The following SHANK2 variants were observed in gnomAD, a reference collection of about 807,000 sequenced individuals.
The protein encoded by SHANK2 is SH3 and multiple ankyrin repeat domains 2.
SHANK2 carries 43 observed loss-of-function variants against 133.7 expected under a neutral mutation model. The ratio of observed to expected loss-of-function variants is 0.32; its 90% CI spans 0.25 to 0.41. The LOEUF (loss-of-function observed/expected upper bound fraction) is 0.41. Among genes scored for constraint, SHANK2 ranks in the 10% least tolerant of loss-of-function variants. The pLI, the probability that SHANK2 is intolerant of heterozygous loss-of-function variation, is 1.00. For synonymous variants in SHANK2, 1,017 were observed against 952.8 expected, an observed-to-expected ratio of 1.07 and a Z score of -1.24; for missense variants, 1,994 against 2,235.8, an observed-to-expected ratio of 0.89 and a Z score of 2.18.
chr11:70,490,547 T>C (rs1411848784), intron 22 of SHANK2, among the ~76,000 whole-genome samples, 160 bp from the exon 23 acceptor site: 1 of 152,256 alleles, frequency 6.6e-6, no homozygotes, highest in South Asian at 2.1e-4. Flanking sequence ...AACCACAGCA[T>C]TGAGGACCCA....
At chr11:70,578,254 CTG>C (rs61283035) in intron 17 of SHANK2, among the ~76,000 whole-genome samples, 23,935 of 152,152 alleles carry the variant, frequency 0.16, 1,987 homozygotes, top group Non-Finnish European at 0.19. Context: ...GCAGGGCACA[CTG>C]TACTTCCCAG....
intron 1 of SHANK2, among the ~76,000 whole-genome samples, chr11:71,251,336 G>A (rs1488875618): frequency 6.6e-6 from 1 of 152,188 alleles, no homozygotes; most frequent in Non-Finnish European, 1.5e-5. Context: ...CCAAGCCCCA[G>A]AACCCTGGCG....
At chr11:70,819,164 A>C (rs1421387008) in intron 12 of SHANK2, among the ~76,000 whole-genome samples, 2 of 152,246 alleles carry the variant, frequency 1.3e-5, no homozygotes, top group Non-Finnish European at 2.9e-5. Flanking sequence ...AAAACATGGC[A>C]ACGGCCGGGG....
intron 14 of SHANK2, among the ~76,000 whole-genome samples, chr11:70,793,138 T>C (rs1309201452): frequency 1.3e-5 from 2 of 152,212 alleles, no homozygotes; most frequent in Admixed American, 1.3e-4. Context: ...AAAACCCTTC[T>C]ACTCATTAAA....
intron 1 of SHANK2, among the ~76,000 whole-genome samples, chr11:71,229,654 G>A (rs1954705281): frequency 6.6e-6 from 1 of 151,694 alleles, no homozygotes; most frequent in Non-Finnish European, 1.5e-5. Context: ...CAGCTACTCA[G>A]GAGGCTGAGG....
At chr11:71,105,517 G>A (rs980710338) in intron 6 of SHANK2, among the ~76,000 whole-genome samples, 2 of 150,772 alleles carry the variant, frequency 1.3e-5, no homozygotes, top group Non-Finnish European at 2.9e-5. Flanking sequence ...ACTTGAACTC[G>A]GGAGGCGGAG....
chr11:70,911,372 C>CAAAAAAA, intron 10 of SHANK2, among the ~76,000 whole-genome samples: 1 of 151,414 alleles, frequency 6.6e-6, no homozygotes, highest in South Asian at 2.1e-4. Flanking sequence ...AACAAAAAAA[C>CAAAAAAA]AAAAAAACAA....
rs782012557 is a variant in SHANK2, at chr11:70,487,549, C to T, written c.2744G>A (p.Arg915Lys). 2 of 1,613,222 alleles carry T rather than the reference C, an allele frequency of 1.2e-6. No individual in the cohort carries two copies. The highest frequency in any genetic ancestry group is 3.3e-5 in the Admixed American group (2 of 59,906). The change falls in exon 25 of 26, where the codon AGA becomes AAA. Residue 915 changes from arginine (R) to lysine (K), a missense_variant. This residue lies in a region of SHANK2 where 488 missense variants were observed against 642.6 expected (regional missense o/e 0.76). Transcript: ENST00000601538. This position sits in a 1 kb window ranked among gnomAD's most constrained non-coding sequence, Gnocchi z 5.8. ...TYNCPKSPTP[R>K]VYGTIKPAFN... ...CGCAGGCTTAATCGTCCCGTAGACT[C>T]TTGGAGTTGGGGACTTGGGGCAGTT...
chr11:70,599,865 A>G (rs201252238), intron 17 of SHANK2, among the ~76,000 whole-genome samples: 4 of 37,796 alleles, frequency 1.1e-4, no homozygotes, highest in Middle Eastern at 0.013. Flanking sequence ...AAGAAATAAA[A>G]AGAAAGAAAG....
chr11:70,800,748 G>C (rs1394354442), intron 13 of SHANK2, among the ~76,000 whole-genome samples: 1 of 152,214 alleles, frequency 6.6e-6, no homozygotes, highest in Non-Finnish European at 1.5e-5. Context: ...GCCGGGATGT[G>C]CCTCACAGTT....
intron 14 of SHANK2, among the ~76,000 whole-genome samples, chr11:70,791,792 C>G (rs1947791368): frequency 6.6e-6 from 1 of 152,170 alleles, no homozygotes; most frequent in African/African-American, 2.4e-5. Context: ...AATAATGGGT[C>G]ATAGTCCCTG....
intron 10 of SHANK2, among the ~76,000 whole-genome samples, chr11:70,926,799 A>G (rs1334152989): frequency 6.6e-6 from 1 of 152,218 alleles, no homozygotes; most frequent in Non-Finnish European, 1.5e-5. Flanking sequence ...AAGGCGCATG[A>G]GCTTTTATAT....
intron 17 of SHANK2, among the ~76,000 whole-genome samples, chr11:70,528,953 C>G (rs1209876606): frequency 6.6e-6 from 1 of 152,138 alleles, no homozygotes; most frequent in African/African-American, 2.4e-5. Context: ...GATTTCCCCC[C>G]ACTGGTGGCC....
chr11:70,510,250 T>C (rs1326778092), intron 17 of SHANK2, among the ~76,000 whole-genome samples: 1 of 152,100 alleles, frequency 6.6e-6, no homozygotes, highest in Non-Finnish European at 1.5e-5. Context: ...TTAGCAAACC[T>C]GGGGCCAAGG....
At chr11:70,862,868 G>A in intron 11 of SHANK2, 2 of 254,706 alleles carry the variant, frequency 7.9e-6, no homozygotes, top group Non-Finnish European at 1.6e-5. Flanking sequence ...TAAACTGGAG[G>A]TAAGAATTTG....
intron 10 of SHANK2, among the ~76,000 whole-genome samples, chr11:70,929,649 T>G (rs1249418369): frequency 6.6e-6 from 1 of 152,176 alleles, no homozygotes; most frequent in Non-Finnish European, 1.5e-5. Context: ...TCTGCCTTCC[T>G]CTTATAAGGA....
At chr11:70,516,211 C>G (rs1591526549) in intron 17 of SHANK2, among the ~76,000 whole-genome samples, 1 of 152,310 alleles carries the variant, frequency 6.6e-6, no homozygotes, top group South Asian at 2.1e-4. Flanking sequence ...GGCTGACACT[C>G]CCCAACTTCA....
At chr11:70,632,935 T>C (rs2061016792) in intron 17 of SHANK2, among the ~76,000 whole-genome samples, 1 of 151,960 alleles carries the variant, frequency 6.6e-6, no homozygotes, top group Non-Finnish European at 1.5e-5. Context: ...TTAATCCCAG[T>C]GAGCCCCTTG....
intron 11 of SHANK2, among the ~76,000 whole-genome samples, chr11:70,885,252 C>T (rs1280768940): frequency 2.0e-5 from 3 of 152,004 alleles, no homozygotes; most frequent in African/African-American, 7.2e-5. Context: ...TGGAGACTCT[C>T]TGAGCTTCTG....
Sources: gnomAD v4.1 joint callset for allele counts (sites outside exome capture counted in the v4.1 genomes callset) on GRCh38, gnomAD v4.1.1 for gene constraint, gnomAD v4.1.1 regional missense constraint, Gnocchi (gnomAD v3.1) non-coding constraint, MANE v1.5 for transcripts, NCBI Gene and HGNC (gene_info 2026-07-23, HGNC 2026-07-21) for gene names.